PRKAG2: variants seen among roughly 807,000 people sequenced by gnomAD.
PRKAG2 encodes protein kinase AMP-activated non-catalytic subunit gamma 2.
Under a neutral mutation model 69.6 loss-of-function variants are expected in PRKAG2, and 26 were observed. The ratio of observed to expected loss-of-function variants is 0.37; its 90% CI spans 0.27 to 0.52. The LOEUF is 0.52. PRKAG2 is among the 20% of genes least tolerant of loss of function. The pLI is 0.90. For missense variants in PRKAG2, 557 were observed against 740.0 expected, an observed-to-expected ratio of 0.75 and a Z score of 2.87; for synonymous variants, 293 against 285.0, an observed-to-expected ratio of 1.03 and a Z score of -0.28.
Position 151,703,911 on chromosome 7 carries a change from A to ACACAC in PRKAG2, c.467-28275_467-28274insGTGTG, listed in dbSNP as rs1563476709. Reference sequence around the variant, plus strand: ...ACACACACACACACACACACACACAAATTAGCTAGGCATGGTGGCAGGTGC... The same window carrying ACACAC: ...ACACACACACACACACACACACACAACACACATTAGCTAGGCATGGTGGCAGGTGC... On this transcript the variant is annotated intron_variant, in intron 3 of 15. Transcript: ENST00000287878. Among the ~76,000 whole-genome samples the ACACAC allele has an allele frequency of 1.1e-3, 116 of 103,710 alleles. 1 individual carries two copies. The highest frequency in any genetic ancestry group is 4.3e-3 in the South Asian group (14 of 3,258). 68.0% of individuals were successfully genotyped at this position (103,710 alleles called of 152,430 possible).
intron 5 of PRKAG2, among the ~76,000 whole-genome samples, chr7:151,615,650 T>C (rs1297374798): frequency 6.6e-6 from 1 of 151,922 alleles, no homozygotes; most frequent in Non-Finnish European, 1.5e-5. Context: ...GGAGAAAATA[T>C]TTACAAAGGA....
rs1806859703 is a variant in PRKAG2 at position 151,568,765 on chromosome 7, G to A, written c.1184C>T (p.Ala395Val). Reference protein sequence around the residue: ...LPVIDPISGNALYILTHKRIL... With the variant: ...LPVIDPISGNVLYILTHKRIL... Reference sequence around the variant, plus strand: ...TCTTTTGTGGGTAAGTATATAAAGTGCATTCCCACTGATAGGGTCAATAAC... The same window carrying A: ...TCTTTTGTGGGTAAGTATATAAAGTACATTCCCACTGATAGGGTCAATAAC... Residue 395 changes from alanine to valine, a missense_variant, in exon 11 of 16, where the codon GCA (alanine) becomes GTA (valine). Around this residue, in one of 2 missense-constraint regions of PRKAG2, gnomAD observed 205 missense variants for 383.4 expected, o/e 0.53. Coordinates refer to ENST00000287878, the MANE Select transcript of PRKAG2 (RefSeq NM_016203.4). 1.2e-6 allele frequency: 2 copies of A among 1,613,862 alleles called. No individual in the cohort carries two copies. The highest frequency in any genetic ancestry group is 8.5e-7 in the Non-Finnish European group (1 of 1,179,768).
chr7:151,721,852 CTG>C (rs1349791596), intron 3 of PRKAG2, among the ~76,000 whole-genome samples: 1 of 152,118 alleles, frequency 6.6e-6, no homozygotes, highest in African/African-American at 2.4e-5. Context: ...CATGGTGACT[CTG>C]TACAAACACT....
chr7:151,663,464 A>G (rs1830605446), intron 4 of PRKAG2, among the ~76,000 whole-genome samples: 2 of 152,066 alleles, frequency 1.3e-5, no homozygotes. Flanking sequence ...CCAGGCTCAG[A>G]TGATTCTCCC....
chr7:151,819,845 C>T (rs1430325440), intron 1 of PRKAG2, among the ~76,000 whole-genome samples: 1 of 152,206 alleles, frequency 6.6e-6, no homozygotes, highest in Non-Finnish European at 1.5e-5. Context: ...GCATGCAGCT[C>T]CTGCGGTGGC....
intron 5 of PRKAG2, among the ~76,000 whole-genome samples, chr7:151,602,136 C>T (rs572759318): frequency 9.8e-5 from 15 of 152,380 alleles, no homozygotes; most frequent in African/African-American, 3.4e-4. Flanking sequence ...CATGCGCAGT[C>T]TCCTCATGCC....
chr7:151,709,765 T>A (rs1839262956), intron 3 of PRKAG2, among the ~76,000 whole-genome samples: 1 of 152,172 alleles, frequency 6.6e-6, no homozygotes, highest in South Asian at 2.1e-4. Context: ...ATTGGATGTT[T>A]CTTACACTGT....
intron 1 of PRKAG2, among the ~76,000 whole-genome samples, chr7:151,821,062 AC>A (rs1554612875): frequency 8.5e-5 from 13 of 152,164 alleles, no homozygotes; most frequent in African/African-American, 1.2e-4. Context: ...AGCTGTGGAG[AC>A]AGGGAACAAG....
chr7:151,601,670 C>T (rs1045528392), intron 5 of PRKAG2, among the ~76,000 whole-genome samples: 1 of 152,170 alleles, frequency 6.6e-6, no homozygotes, highest in African/African-American at 2.4e-5. Flanking sequence ...ACATCACCCC[C>T]GTCATTTCTA....
At chr7:151,861,453 G>A (rs1176757489) in intron 1 of PRKAG2, among the ~76,000 whole-genome samples, 1 of 150,090 alleles carries the variant, frequency 6.7e-6, no homozygotes, top group Non-Finnish European at 1.5e-5. Context: ...GGTTGAACCC[G>A]GGAGGCTGAG....
intron 3 of PRKAG2, among the ~76,000 whole-genome samples, chr7:151,720,564 AC>A (rs1796888709): frequency 1.3e-5 from 2 of 149,180 alleles, no homozygotes; most frequent in Non-Finnish European, 1.5e-5. Flanking sequence ...AAAACAAAGC[AC>A]CGTCAAGCTC....
At position 151,675,535 on chromosome 7, in the gene PRKAG2, C is replaced by A. The variant is rs551795395; in HGVS notation, c.569G>T (p.Arg190Leu). 6.2e-7 allele frequency: 1 copy of A among 1,614,112 alleles called. No homozygotes were observed. The highest frequency in any genetic ancestry group is 8.5e-7 in the Non-Finnish European group (1 of 1,179,964). Residue 190 changes from arginine (R) to leucine (L), a missense_variant, in exon 4 of 16, where the codon CGC (arginine) becomes CTC (leucine). By Grantham distance (102) the Arg-to-Leu change is moderately radical. This residue lies in a region of PRKAG2 where 352 missense variants were observed against 356.7 expected (regional missense o/e 0.99). Coordinates refer to ENST00000287878, the MANE Select transcript of PRKAG2 (RefSeq NM_016203.4). ...CGGGGGGGAAGACGAGGCATAGATG[C>A]GATTCTCTAACCGTTCAGGCTCGTG... is the stretch of plus-strand genomic sequence containing the variant. ...YKHEPERLEN[R>L]IYASSSPPDT...
chr7:151,711,959 A>G (rs7810872), intron 3 of PRKAG2, among the ~76,000 whole-genome samples: 6,548 of 152,260 alleles, frequency 0.043, 490 homozygotes, highest in African/African-American at 0.15. Context: ...ACCATCACCC[A>G]GAAGCCGCCC....
At chr7:151,641,829 G>C (rs919096895) in intron 4 of PRKAG2, among the ~76,000 whole-genome samples, 1 of 152,140 alleles carries the variant, frequency 6.6e-6, no homozygotes, top group South Asian at 2.1e-4. Context: ...TTTCTGTTAA[G>C]GGAAGACAAT....
chr7:151,859,924 G>A (rs983614877), intron 1 of PRKAG2, among the ~76,000 whole-genome samples: 1 of 152,194 alleles, frequency 6.6e-6, no homozygotes, highest in African/African-American at 2.4e-5. Flanking sequence ...AGTCCATGCC[G>A]CTGGAGGGAC....
chr7:151,803,624 C>T (rs139350689), intron 1 of PRKAG2, among the ~76,000 whole-genome samples: 95 of 152,164 alleles, frequency 6.2e-4, no homozygotes, highest in African/African-American at 1.9e-3. Flanking sequence ...AAATCAGTCA[C>T]GTATTACCCA....
At chr7:151,622,354 C>T (rs959199539) in intron 5 of PRKAG2, among the ~76,000 whole-genome samples, 16 of 152,210 alleles carry the variant, frequency 1.1e-4, no homozygotes, top group Admixed American at 6.5e-4. Flanking sequence ...TTCTGTTGTG[C>T]GTCCTCTGAC....
chr7:151,604,555 CTT>C (rs1219298136), intron 5 of PRKAG2, among the ~76,000 whole-genome samples: 11 of 152,052 alleles, frequency 7.2e-5, no homozygotes, highest in Non-Finnish European at 5.9e-5. Flanking sequence ...GGGAGGGTCT[CTT>C]GAGCCAGGAG....
chr7:151,571,538 C>T (rs558057297), intron 9 of PRKAG2, among the ~76,000 whole-genome samples: 7 of 152,218 alleles, frequency 4.6e-5, no homozygotes, highest in Non-Finnish European at 5.9e-5. Context: ...ATACAGAAGG[C>T]GTTTAAGAAT....
Sources: gnomAD v4.1 joint callset for allele counts (sites outside exome capture counted in the v4.1 genomes callset) on GRCh38, gnomAD v4.1.1 for gene constraint, gnomAD v4.1.1 regional missense constraint, MANE v1.5 for transcripts, NCBI Gene and HGNC (gene_info 2026-07-23, HGNC 2026-07-21) for gene names.